The following KDM2A variants were observed in gnomAD, a reference collection of about 807,000 sequenced individuals.
KDM2A encodes the protein lysine demethylase 2A.
A neutral mutation model predicts 137.3 loss-of-function variants in KDM2A; 3 were observed. That is an observed-to-expected ratio of 0.02 (90% CI 0.01 to 0.06). The LOEUF is 0.06. KDM2A is among the 10% of genes least tolerant of loss of function. The pLI is 1.00. For missense variants in KDM2A, 738 were observed against 1,510.6 expected, an observed-to-expected ratio of 0.49 and a Z score of 8.48; for synonymous variants, 512 against 541.5, an observed-to-expected ratio of 0.95 and a Z score of 0.76.
rs1271722207 is a variant in KDM2A at position 67,254,384 on chromosome 11, C to A, written c.3273C>A (p.Ser1091=). The A allele has an allele frequency of 6.2e-7, 1 of 1,613,908 alleles. No individual in the cohort carries two copies. Among genetic ancestry groups the A allele is most frequent in the Non-Finnish European group, 8.5e-7 (1 of 1,179,892 alleles). The change falls in exon 20 of 21, where the codon TCC becomes TCA. Residue 1091 remains serine, a synonymous_variant. Coordinates refer to ENST00000529006, the MANE Select transcript of KDM2A (RefSeq NM_012308.3). The surrounding 1 kb of genome is among the most constrained non-coding windows in gnomAD (Gnocchi z 4.7). ...SSNLLTAVGS[S]TRYSLTELNM... ...ATCTACTCACTGCTGTCGGGTCTTC[C>A]ACTCGCTACTCTCTCACAGAGCTCA...
intron 2 of KDM2A, among the ~76,000 whole-genome samples, chr11:67,149,743 AGT>A (rs990685102): frequency 6.4e-5 from 9 of 141,070 alleles, no homozygotes; most frequent in African/African-American, 2.4e-4. Context: ...TTTTTTTGAC[AGT>A]GTTTTCTCTT....
At chr11:67,248,224 G>C in intron 15 of KDM2A, 57 bp from the exon 16 acceptor site, 1 of 1,258,360 alleles carries the variant, frequency 7.9e-7, no homozygotes, top group Non-Finnish European at 1.1e-6. Flanking sequence ...CTGTGTTATT[G>C]TTGGATAAAG....
rs1395825757 is a variant in KDM2A at position 67,254,635 on chromosome 11, C to T, written c.3307+217C>T. 1.6e-6 allele frequency: 1 copy of T among 639,312 alleles called. No homozygotes were observed. Among genetic ancestry groups the T allele is most frequent in the Non-Finnish European group, 2.7e-6 (1 of 367,000 alleles). 39.6% of individuals were successfully genotyped at this position (639,312 alleles called of 1,614,324 possible). The stretch of plus-strand genomic sequence containing the variant: ...GTCGGTTGCCTGTCTGCGCAGCCAA[C>T]ATCCAGCTGGAGTTTGGTCAGCCTT... On this transcript the variant is annotated intron_variant, in intron 20 of 20. Transcript: ENST00000529006. The surrounding 1 kb of genome is among the most constrained non-coding windows in gnomAD (Gnocchi z 4.7).
At chr11:67,170,274 G>A (rs1225684984) in intron 2 of KDM2A, among the ~76,000 whole-genome samples, 8 of 151,932 alleles carry the variant, frequency 5.3e-5, no homozygotes, top group African/African-American at 1.9e-4. Flanking sequence ...AGGAATGGTG[G>A]AATATTAGAT....
chr11:67,253,359 AG>A, intron 18 of KDM2A, 93 bp from the exon 19 acceptor site: 1 of 1,090,552 alleles, frequency 9.2e-7, no homozygotes, highest in Non-Finnish European at 1.4e-6. Flanking sequence ...CTCTCCTATT[AG>A]ACTGGAAGTT....
chr11:67,128,233 G>T (rs1442973939), intron 2 of KDM2A, among the ~76,000 whole-genome samples: 1 of 151,826 alleles, frequency 6.6e-6, no homozygotes, highest in African/African-American at 2.4e-5. Context: ...GAACTCCTGG[G>T]CTTAAGTGAT....
At chr11:67,121,204 C>T (rs1855591064) in intron 1 of KDM2A, 30 bp from the exon 2 acceptor site, 2 of 762,896 alleles carry the variant, frequency 2.6e-6, no homozygotes, top group South Asian at 3.2e-5. Context: ...AGAATGAGTT[C>T]TCATTTCTGC....
intron 2 of KDM2A, among the ~76,000 whole-genome samples, chr11:67,165,411 C>T (rs958753578): frequency 9.2e-5 from 14 of 152,220 alleles, no homozygotes; most frequent in Non-Finnish European, 1.3e-4. Flanking sequence ...TGTGAGCCAC[C>T]GCACCCAGCT....
chr11:67,127,059 T>C (rs1441471519), intron 2 of KDM2A, among the ~76,000 whole-genome samples: 1 of 152,152 alleles, frequency 6.6e-6, no homozygotes, highest in Admixed American at 6.6e-5. Flanking sequence ...CTTTTGATGC[T>C]GGGGTGGGTT....
At chr11:67,235,548 C>A (rs1858845263) in intron 12 of KDM2A, among the ~76,000 whole-genome samples, 1 of 151,602 alleles carries the variant, frequency 6.6e-6, no homozygotes, top group Non-Finnish European at 1.5e-5. Context: ...GATGATCCAC[C>A]CGCCTCTGCC....
At chr11:67,249,157 A>G (rs904544813) in intron 16 of KDM2A, among the ~76,000 whole-genome samples, 1 of 152,218 alleles carries the variant, frequency 6.6e-6, no homozygotes, top group African/African-American at 2.4e-5. Flanking sequence ...TTTGAGGGCA[A>G]GGATTTTTGA....
intron 10 of KDM2A, among the ~76,000 whole-genome samples, chr11:67,225,210 G>A (rs1267856671): frequency 1.3e-5 from 2 of 152,124 alleles, no homozygotes; most frequent in Non-Finnish European, 2.9e-5. Context: ...TACTGACTTT[G>A]AAAACAAAAG....
rs1855560666 is a variant in KDM2A at position 67,120,030 on chromosome 11, A to G, written c.-103A>G. ...TCTTTTACTTCTCACTTGGACAAGA[A>G]CTCAAGAGCAGAATCTCCGGTGAGT... On this transcript the variant is annotated 5_prime_UTR_variant, in exon 1 of 21. Coordinates refer to ENST00000529006, the MANE Select transcript of KDM2A (RefSeq NM_012308.3). The G allele has an allele frequency of 6.6e-6, 1 of 152,312 alleles. No individual in the cohort carries two copies. Among genetic ancestry groups the G allele is most frequent in the Non-Finnish European group, 1.5e-5 (1 of 68,174 alleles). 9.4% of individuals were successfully genotyped at this position (152,312 alleles called of 1,614,324 possible).
intron 2 of KDM2A, among the ~76,000 whole-genome samples, chr11:67,168,641 A>T (rs1242655390): frequency 6.8e-6 from 1 of 147,392 alleles, no homozygotes; most frequent in African/African-American, 2.5e-5. Flanking sequence ...ACACACACAC[A>T]CACACACACA....
intron 2 of KDM2A, among the ~76,000 whole-genome samples, chr11:67,174,955 TC>T (rs1856947552): frequency 6.6e-6 from 1 of 152,176 alleles, no homozygotes; most frequent in Non-Finnish European, 1.5e-5. Flanking sequence ...AGCCAGTAAC[TC>T]CCTTTAGGCT....
rs373173916 is a variant in KDM2A, at chr11:67,181,258, A to G, written c.182-62A>G. 5 of 1,056,726 alleles carry G rather than the reference A, an allele frequency of 4.7e-6. No homozygotes were observed. The African/African-American group carries it at 4.7e-5, about 10-fold the overall frequency. 65.5% of individuals were successfully genotyped at this position (1,056,726 alleles called of 1,614,324 possible). ...TACTGTATTACTTAGGATCCTTTTT[A>G]TGGTCCTTTTATCGTTTTTAATTAT... is the stretch of plus-strand genomic sequence containing the variant. On this transcript the variant is annotated intron_variant, in intron 3 of 20. Coordinates refer to ENST00000529006, the MANE Select transcript of KDM2A (RefSeq NM_012308.3).
chr11:67,198,367 C>G (rs973024495), intron 5 of KDM2A, among the ~76,000 whole-genome samples: 6 of 151,216 alleles, frequency 4.0e-5, no homozygotes, highest in Admixed American at 6.6e-5. Context: ...CTTCATTGAG[C>G]AAGTCTGTAG....
chr11:67,228,183 G>C lies in KDM2A; in HGVS notation c.1084+20G>C. The C allele has an allele frequency of 6.2e-7, 1 of 1,612,414 alleles. No individual in the cohort carries two copies. Among genetic ancestry groups the C allele is most frequent in the Non-Finnish European group, 8.5e-7 (1 of 1,178,690 alleles). ...GCATGGGTAAGTATTCTGCCTATAG[G>C]AGCTTTGAAGACACCGCTTAGGTCT... On this transcript the variant is annotated intron_variant, in intron 11 of 20. Transcript: ENST00000529006.
intron 10 of KDM2A, among the ~76,000 whole-genome samples, chr11:67,224,705 A>T (rs1384530920): frequency 1.3e-5 from 2 of 151,022 alleles, no homozygotes; most frequent in Non-Finnish European, 2.9e-5. Flanking sequence ...TGACCTCATG[A>T]TCCACCCACC....
Sources: allele counts gnomAD v4.1 joint callset (sites outside exome capture counted in the v4.1 genomes callset), GRCh38; gene constraint gnomAD v4.1.1; non-coding constraint Gnocchi (gnomAD v3.1); transcripts MANE v1.5; gene names NCBI Gene and HGNC (gene_info 2026-07-23, HGNC 2026-07-21).